PTER: variants seen among roughly 807,000 people sequenced by gnomAD.
PTER encodes the protein N-acetyltaurine hydrolase.
PTER carries 38 observed loss-of-function variants against 29.6 expected under a neutral mutation model. The ratio of observed to expected loss-of-function variants is 1.28; its 90% confidence interval spans 0.99 to 1.68. The LOEUF (loss-of-function observed/expected upper bound fraction) is 1.68, where lower values mean the gene tolerates loss of function less well. Ranked by LOEUF, PTER falls within the 40% of genes most tolerant of loss-of-function variation. The pLI, the probability that PTER is intolerant of heterozygous loss-of-function variation, is 0.00. For missense variants in PTER, 482 were observed against 427.8 expected (o/e 1.13, Z -1.12); for synonymous variants, 172 against 154.5 (o/e 1.11, Z -0.84).
rs530729426 is a variant in PTER at position 16,463,187 on chromosome 10, G to A, written c.-48-21150G>A. Among the ~76,000 whole-genome samples the A allele has an allele frequency of 3.3e-3, 443 of 135,170 alleles. 4 individuals are homozygous for A. The highest frequency in any genetic ancestry group is 0.012 in the East Asian group (53 of 4,332). The allele number at this position is 135,170 out of a possible 152,430, so 88.7% of individuals were successfully genotyped here. A position where few individuals can be genotyped will look rare whatever the true frequency, so the allele number is the denominator to read the frequency against. On this transcript the variant is annotated intron_variant, in intron 1 of 4. Coordinates refer to ENST00000535784, the MANE Select transcript of PTER (RefSeq NM_001261836.2). ...CATACTCCAGCCTGGGCGACAGAGCGAGACTCTGTCTAAAAAAAAAAAAAA... is the reference window on the plus strand; with the variant it reads ...CATACTCCAGCCTGGGCGACAGAGCAAGACTCTGTCTAAAAAAAAAAAAAA...
chr10:16,518,861 C>T, the PTER span, among the ~76,000 whole-genome samples: 1 of 151,958 alleles, frequency 6.6e-6, no homozygotes, highest in African/African-American at 2.4e-5. Flanking sequence ...TGTTCATAAG[C>T]CTTTTTGTGA....
Position 16,484,462 on chromosome 10 carries a change from T to A in PTER, c.78T>A (p.His26Gln), listed in dbSNP as rs755383595. The change falls in exon 2 of 5, where the codon CAT becomes CAA. Residue 26 changes from histidine to glutamine, a missense_variant. His to Gln is a conservative substitution (Grantham distance 24). Coordinates refer to ENST00000535784, the MANE Select transcript of PTER (RefSeq NM_001261836.2). Reference protein sequence around the residue: ...EPSKLGRTLTHEHLAMTFDCC... With the variant: ...EPSKLGRTLTQEHLAMTFDCC... ...GCAAACTGGGCCGTACCCTGACCCATGAACACCTGGCCATGACCTTTGACT... is the reference window on the plus strand; with the variant it reads ...GCAAACTGGGCCGTACCCTGACCCAAGAACACCTGGCCATGACCTTTGACT... 1.2e-6 allele frequency: 2 copies of A among 1,614,126 alleles called. No individual in the cohort carries two copies. Among genetic ancestry groups the A allele is most frequent in the Non-Finnish European group, 1.7e-6 (2 of 1,180,012 alleles).
chr10:16,503,348 T>TTC (rs2133499364), intron 3 of PTER, among the ~76,000 whole-genome samples: 1 of 152,084 alleles, frequency 6.6e-6, no homozygotes, highest in South Asian at 2.1e-4. Context: ...TGCCTCAGCC[T>TTC]CCCGAGTAGC....
chr10:16,475,795 A>T (rs1368494937), intron 1 of PTER, among the ~76,000 whole-genome samples: 1 of 152,206 alleles, frequency 6.6e-6, no homozygotes, highest in East Asian at 1.9e-4. Flanking sequence ...TTGTGATGTC[A>T]ATTGCAGCTG....
intron 1 of PTER, among the ~76,000 whole-genome samples, chr10:16,440,402 TA>T (rs906226556): frequency 6.6e-6 from 1 of 151,494 alleles, no homozygotes; most frequent in African/African-American, 2.4e-5. Flanking sequence ...CATCATCTCT[TA>T]AAAAAAAGAA....
intron 1 of PTER, among the ~76,000 whole-genome samples, chr10:16,457,489 A>G (rs544624882): frequency 3.4e-4 from 52 of 152,324 alleles, no homozygotes; most frequent in African/African-American, 1.2e-3. Flanking sequence ...CTGGAATTAC[A>G]GGCATGAGCC....
Position 16,511,745 on chromosome 10 carries a change from CT to C in PTER, c.*495del, listed in dbSNP as rs1836818046. 1 of 160,132 alleles carries C rather than the reference CT, an allele frequency of 6.2e-6. No individual in the cohort carries two copies. Among genetic ancestry groups the C allele is most frequent in the African/African-American group, 2.4e-5 (1 of 41,512 alleles). The allele number at this position is 160,132 out of a possible 1,614,324, so 9.9% of individuals were successfully genotyped here. ...CAACAAGGGAAGTTAAATTTTGAGACTTTTTTCCCCAAAGGATACTGACTGT... is the reference window on the plus strand; with the variant it reads ...CAACAAGGGAAGTTAAATTTTGAGACTTTTTCCCCAAAGGATACTGACTGT... On this transcript the variant is annotated 3_prime_UTR_variant, in exon 5 of 5. Transcript: ENST00000535784.
chr10:16,507,677 A>G (rs545832937), intron 4 of PTER, among the ~76,000 whole-genome samples: 5 of 152,322 alleles, frequency 3.3e-5, no homozygotes, highest in Non-Finnish European at 7.4e-5. Flanking sequence ...ATCATTAGGG[A>G]AAGCTAGTTA....
rs149376200 is a variant in PTER, at chr10:16,462,400, T to A, written c.-48-21937T>A. 8.0e-3 allele frequency among the ~76,000 whole-genome samples: 1,209 copies of A among 151,898 alleles called. 19 individuals carry two copies. The highest frequency in any genetic ancestry group is 0.028 in the African/African-American group (1,161 of 41,542). ...TAAGAAGTACAGTTGGTTTACAAAT[T>A]AAATCATATATGATGGTGGCGTTTG... On this transcript the variant is annotated intron_variant, in intron 1 of 4. Transcript: ENST00000535784.
Position 16,511,293 on chromosome 10 carries a change from C to G in PTER, c.*37C>G, listed in dbSNP as rs1836803382. ...ATGAATTCACACCTTGAGTATAAAA[C>G]TTGCAGAGAACATTCAGCGATTTCC... On this transcript the variant is annotated 3_prime_UTR_variant, in exon 5 of 5. Transcript: ENST00000535784. The G allele has an allele frequency of 6.4e-7, 1 of 1,557,430 alleles. No individual in the cohort carries two copies. Among genetic ancestry groups the G allele is most frequent in the Admixed American group, 1.7e-5 (1 of 59,878 alleles).
chr10:16,443,503 C>T (rs1026428605), intron 1 of PTER, among the ~76,000 whole-genome samples: 12 of 152,182 alleles, frequency 7.9e-5, no homozygotes, highest in African/African-American at 2.4e-4. Flanking sequence ...TTAAATTTGA[C>T]CTTCCAAGTG....
chr10:16,484,414 C>T lies in PTER; in HGVS notation c.30C>T (p.Thr10=), dbSNP rs759347235. The T allele has an allele frequency of 3.1e-5, 50 of 1,597,428 alleles. No individual in the cohort carries two copies. In the South Asian group the frequency reaches 4.8e-4, roughly 15 times the overall value. Residue 10 remains threonine (T), a synonymous_variant, in exon 2 of 5, where the codon ACC becomes ACT. Transcript: ENST00000535784. Reference sequence around the variant, plus strand: ...CTTCCTTAAGTGGAAAAGTCCAAACCGTTTTGGGCCTTGTAGAGCCAAGCA... The same window carrying T: ...CTTCCTTAAGTGGAAAAGTCCAAACTGTTTTGGGCCTTGTAGAGCCAAGCA... The part of the protein sequence containing the change: MSSLSGKVQ[T]VLGLVEPSKL...
chr10:16,510,991 C>T lies in PTER; in HGVS notation c.840-55C>T, dbSNP rs1047899325. ...TAATGAGTAAAAAGTTGAAAGCATC[C>T]TGAAAAGCGAAAATGAAAGACAAAT... On this transcript the variant is annotated intron_variant, in intron 4 of 4. Transcript: ENST00000535784. 3.3e-5 allele frequency: 49 copies of T among 1,507,604 alleles called. No individual in the cohort carries two copies. The African/African-American group carries it at 4.4e-4, about 14-fold the overall frequency. 93.4% of individuals were successfully genotyped at this position (1,507,604 alleles called of 1,614,324 possible). A position where few individuals can be genotyped will look rare whatever the true frequency, so the allele number is the denominator to read the frequency against.
In PTER at chr10:16,459,723, GTTATTTATTTATTTAT is replaced by G. The variant is rs749526667; in HGVS notation, c.-49+22696_-49+22711del. Among the ~76,000 whole-genome samples the G allele has an allele frequency of 4.0e-3, 611 of 150,980 alleles. 4 individuals carry two copies. The highest frequency in any genetic ancestry group is 0.013 in the African/African-American group (539 of 41,006). On this transcript the variant is annotated intron_variant, in intron 1 of 4. Coordinates refer to ENST00000535784, the MANE Select transcript of PTER (RefSeq NM_001261836.2). ...ACTTAGATATGCTGTATATTTCAGA[GTTATTTATTTATTTAT>G]TTATTTATTTATTTATTTACTTATT...
chr10:16,490,618 A>T (rs1835864770), intron 3 of PTER, among the ~76,000 whole-genome samples: 1 of 151,584 alleles, frequency 6.6e-6, no homozygotes, highest in Non-Finnish European at 1.5e-5. Context: ...AAGCATTTCA[A>T]AATAGGGTGT....
intron 1 of PTER, among the ~76,000 whole-genome samples, chr10:16,447,889 T>C (rs1299011699): frequency 6.6e-6 from 1 of 152,138 alleles, no homozygotes; most frequent in Non-Finnish European, 1.5e-5. Context: ...CCATGGGCAT[T>C]TGAGCCACTT....
At chr10:16,440,941 C>T (rs1833827646) in intron 1 of PTER, among the ~76,000 whole-genome samples, 2 of 152,148 alleles carry the variant, frequency 1.3e-5, no homozygotes, top group Non-Finnish European at 2.9e-5. Context: ...TTACCAGATA[C>T]CTTGGGAGCT....
chr10:16,517,628 A>G (rs77608023), downstream of PTER, among the ~76,000 whole-genome samples: 843 of 152,314 alleles, frequency 5.5e-3, 11 homozygotes, highest in African/African-American at 0.019. Context: ...TGGGCTTTCA[A>G]CAAATGGTAG....
chr10:16,471,809 A>T (rs1055524479), intron 1 of PTER, among the ~76,000 whole-genome samples: 1 of 152,258 alleles, frequency 6.6e-6, no homozygotes, highest in Non-Finnish European at 1.5e-5. Flanking sequence ...TGCCATCTAT[A>T]TAATGCCATA....
Sources: allele counts gnomAD v4.1 joint callset (sites outside exome capture counted in the v4.1 genomes callset), GRCh38; gene constraint gnomAD v4.1.1; transcripts MANE v1.5; gene names NCBI Gene and HGNC (gene_info 2026-07-23, HGNC 2026-07-21).